Variants in CNTNAP2 observed in about 807,000 individuals in gnomAD.
CNTNAP2 encodes the protein contactin-associated protein-like 2.
Under a neutral mutation model 155.2 loss-of-function variants are expected in CNTNAP2, and 98 were observed. The observed-to-expected ratio is 0.63, with a 90% confidence interval of 0.54 to 0.75. The LOEUF (loss-of-function observed/expected upper bound fraction) is 0.75. Among genes scored for constraint, CNTNAP2 ranks in the 30% least tolerant of loss-of-function variants. The pLI is 0.00. For missense variants in CNTNAP2, 1,727 were observed against 1,688.1 expected, an observed-to-expected ratio of 1.02 and a Z score of -0.40; for synonymous variants, 651 against 631.2, an observed-to-expected ratio of 1.03 and a Z score of -0.47.
At chr7:147,665,123 T>A (rs1795673439) in intron 13 of CNTNAP2, among the ~76,000 whole-genome samples, 1 of 152,202 alleles carries the variant, frequency 6.6e-6, no homozygotes, top group Non-Finnish European at 1.5e-5. Flanking sequence ...GAACCCCTTA[T>A]AACCCTTTCT....
chr7:147,023,670 A>G (rs953984807), intron 3 of CNTNAP2, among the ~76,000 whole-genome samples: 1 of 152,116 alleles, frequency 6.6e-6, no homozygotes, highest in African/African-American at 2.4e-5. Flanking sequence ...TTCTGCCAGG[A>G]TCTGCCACTC....
chr7:146,835,761 T>C (rs1803604681), intron 2 of CNTNAP2, among the ~76,000 whole-genome samples: 1 of 152,052 alleles, frequency 6.6e-6, no homozygotes, highest in Non-Finnish European at 1.5e-5. Flanking sequence ...ATTAGGAGTG[T>C]TTTGGGGATG....
chr7:146,718,116 T>C (rs1397372848), intron 1 of CNTNAP2, among the ~76,000 whole-genome samples: 2 of 152,178 alleles, frequency 1.3e-5, no homozygotes, highest in South Asian at 2.1e-4. Flanking sequence ...AGGTGTTCTT[T>C]TAATATTCTA....
In CNTNAP2 at chr7:146,471,796, A is replaced by T. The variant is rs182582895; in HGVS notation, c.98-302475A>T. 6.2e-4 allele frequency among the ~76,000 whole-genome samples: 95 copies of T among 152,330 alleles called. No homozygotes were observed. The East Asian group carries it at 0.017, about 28-fold the overall frequency. ...ATTGACTTTTTAATTCCTATAAGTG[A>T]GTGTTGGCTATTGCCTAAATTTGAG... On this transcript the variant is annotated intron_variant, in intron 1 of 23. Coordinates refer to ENST00000361727, the MANE Select transcript of CNTNAP2 (RefSeq NM_014141.6).
chr7:148,322,363 G>A (rs138709147), intron 21 of CNTNAP2, among the ~76,000 whole-genome samples: 5 of 152,244 alleles, frequency 3.3e-5, no homozygotes, highest in South Asian at 2.1e-4. Context: ...AGGGAAACTC[G>A]AGAAACAAGT....
intron 9 of CNTNAP2, among the ~76,000 whole-genome samples, chr7:147,301,494 A>G (rs896534455): frequency 1.3e-5 from 2 of 151,876 alleles, no homozygotes; most frequent in Non-Finnish European, 2.9e-5. Flanking sequence ...TAAAATCTGT[A>G]TGTTACATGT....
chr7:147,206,715 A>G (rs189696296), intron 8 of CNTNAP2, among the ~76,000 whole-genome samples: 3 of 152,310 alleles, frequency 2.0e-5, no homozygotes, highest in African/African-American at 7.2e-5. Context: ...CAGAAACCTT[A>G]AAAAGATTCC....
intron 1 of CNTNAP2, among the ~76,000 whole-genome samples, chr7:146,429,619 C>T (rs778393754): frequency 6.6e-6 from 1 of 151,970 alleles, no homozygotes; most frequent in South Asian, 2.1e-4. Context: ...GCTTATGGAG[C>T]TTTTGGGCTG....
At position 148,312,416 on chromosome 7, in the gene CNTNAP2, C is replaced by G. The variant is rs186004570; in HGVS notation, c.3475+45290C>G. On this transcript the variant is annotated intron_variant, in intron 21 of 23. Coordinates refer to ENST00000361727, the MANE Select transcript of CNTNAP2 (RefSeq NM_014141.6). ...GAAGTAATGGGAGCTGTCTGTGAAG[C>G]CTTGCGGCAGTACAGCCCAGGTAAT... Among the ~76,000 whole-genome samples the G allele has an allele frequency of 6.6e-5, 10 of 152,282 alleles. No homozygotes were observed. The South Asian group carries it at 1.5e-3, about 22-fold the overall frequency.
intron 9 of CNTNAP2, among the ~76,000 whole-genome samples, chr7:147,390,288 T>C (rs1175992939): frequency 6.6e-6 from 1 of 152,204 alleles, no homozygotes; most frequent in African/African-American, 2.4e-5. Context: ...GAGATTATAA[T>C]AGCAGGATGT....
intron 12 of CNTNAP2, among the ~76,000 whole-genome samples, chr7:147,576,377 A>C (rs1283548444): frequency 1.3e-5 from 2 of 152,136 alleles, no homozygotes; most frequent in African/African-American, 4.8e-5. Context: ...AATATGCTAA[A>C]AAAATCATTC....
At chr7:146,884,505 T>C (rs1795617927) in intron 3 of CNTNAP2, among the ~76,000 whole-genome samples, 1 of 152,170 alleles carries the variant, frequency 6.6e-6, no homozygotes, top group Non-Finnish European at 1.5e-5. Flanking sequence ...GAGTGAGATG[T>C]TTCCTACTCA....
chr7:146,686,626 T>G (rs1800606039), intron 1 of CNTNAP2, among the ~76,000 whole-genome samples: 2 of 152,226 alleles, frequency 1.3e-5, no homozygotes, highest in South Asian at 2.1e-4. Flanking sequence ...TAAGGAGTTC[T>G]AATTTTCCTT....
chr7:147,143,123 T>A (rs759978636), intron 8 of CNTNAP2, among the ~76,000 whole-genome samples: 11 of 152,188 alleles, frequency 7.2e-5, no homozygotes, highest in Non-Finnish European at 1.5e-4. Flanking sequence ...AGGTAATCAA[T>A]ACTTTCATCT....
At chr7:148,296,584 C>G (rs6464868) in intron 21 of CNTNAP2, among the ~76,000 whole-genome samples, 142,436 of 146,212 alleles carry the variant, frequency 0.97, 69,488 homozygotes, top group East Asian at 1. Flanking sequence ...CCGTGAAATT[C>G]TGCCAGTTAA....
intron 1 of CNTNAP2, among the ~76,000 whole-genome samples, chr7:146,644,590 C>G (rs1423592675): frequency 6.6e-6 from 1 of 152,020 alleles, no homozygotes; most frequent in African/African-American, 2.4e-5. Flanking sequence ...CATCAATATT[C>G]ATCAAGGATA....
At chr7:147,913,080 G>T (rs983784210) in intron 14 of CNTNAP2, among the ~76,000 whole-genome samples, 1 of 152,124 alleles carries the variant, frequency 6.6e-6, no homozygotes, top group Non-Finnish European at 1.5e-5. Context: ...GAGAAGAGAA[G>T]GTAAAGTCAG....
At chr7:147,415,161 A>G (rs1432151567) in intron 10 of CNTNAP2, among the ~76,000 whole-genome samples, 1 of 152,052 alleles carries the variant, frequency 6.6e-6, no homozygotes, top group African/African-American at 2.4e-5. Flanking sequence ...GTGGGAGCAT[A>G]CAATTGCTTA....
intron 10 of CNTNAP2, 96 bp from the exon 11 acceptor site, chr7:147,485,839 A>G: frequency 8.5e-7 from 1 of 1,180,866 alleles, no homozygotes; most frequent in Middle Eastern, 1.9e-4. Context: ...GCAACCTGGC[A>G]TTGAAATGAT....
Sources: allele counts gnomAD v4.1 joint callset (sites outside exome capture counted in the v4.1 genomes callset), GRCh38; gene constraint gnomAD v4.1.1; transcripts MANE v1.5; gene names NCBI Gene and HGNC (gene_info 2026-07-23, HGNC 2026-07-21).